Variants in GOT1 observed in about 807,000 individuals in gnomAD.
GOT1 encodes glutamic-oxaloacetic transaminase 1, also known as aspartate aminotransferase, cytoplasmic.
Under a neutral mutation model 48.2 loss-of-function variants are expected in GOT1, and 25 were observed. That is an observed-to-expected ratio of 0.52 (90% CI 0.38 to 0.72). The LOEUF (loss-of-function observed/expected upper bound fraction) is 0.72. Ranked by LOEUF, GOT1 falls within the 30% of genes least tolerant of loss-of-function variation. GOT1 has a pLI of 0.00. For synonymous variants in GOT1, 188 were observed against 193.8 expected (o/e 0.97, Z 0.25); for missense variants, 380 against 520.1 (o/e 0.73, Z 2.62).
intron 2 of GOT1, among the ~76,000 whole-genome samples, chr10:99,419,060 A>G (rs1008761011): frequency 4.6e-5 from 7 of 152,228 alleles, no homozygotes; most frequent in African/African-American, 1.7e-4. Context: ...GTACATGTAC[A>G]AATGTATGGG....
intron 2 of GOT1, among the ~76,000 whole-genome samples, chr10:99,419,907 A>G (rs1480562282): frequency 1.3e-5 from 2 of 152,112 alleles, no homozygotes; most frequent in Non-Finnish European, 2.9e-5. Context: ...CACACAGCCT[A>G]TCTCACTGTG....
chr10:99,410,136 A>G (rs2032811636), intron 2 of GOT1, among the ~76,000 whole-genome samples: 1 of 152,288 alleles, frequency 6.6e-6, no homozygotes, highest in African/African-American at 2.4e-5. Flanking sequence ...ATCCCTTGCT[A>G]TTACTTTAAA....
intron 2 of GOT1, among the ~76,000 whole-genome samples, chr10:99,418,885 T>C (rs2032932861): frequency 6.6e-6 from 1 of 152,160 alleles, no homozygotes; most frequent in East Asian, 1.9e-4. Flanking sequence ...CCCAATATGA[T>C]TAATAATCTC....
rs368072040 is a variant in GOT1 at position 99,420,625 on chromosome 10, C to T, written c.299G>A (p.Arg100Gln). ...AATACATCCTTACCCAAAACTTACCCGCTTCTCCTTGAGTGCTGGGCTGTC... is the reference window on the plus strand; with the variant it reads ...AATACATCCTTACCCAAAACTTACCTGCTTCTCCTTGAGTGCTGGGCTGTC... Reference protein sequence around the residue: ...GDDSPALKEKRVGGVQSLGGT... With the variant: ...GDDSPALKEKQVGGVQSLGGT... The change falls in exon 2 of 9, where the codon CGG becomes CAG. Residue 100 changes from arginine to glutamine, a missense_variant and splice_region_variant. Coordinates refer to ENST00000370508, the MANE Select transcript of GOT1 (RefSeq NM_002079.3). The T allele has an allele frequency of 6.2e-6, 10 of 1,605,650 alleles. No individual in the cohort carries two copies. Among genetic ancestry groups the T allele is most frequent in the African/African-American group, 2.7e-5 (2 of 74,596 alleles).
chr10:99,398,571 G>A (rs1256944058), intron 8 of GOT1, among the ~76,000 whole-genome samples: 6 of 152,046 alleles, frequency 3.9e-5, no homozygotes, highest in African/African-American at 9.7e-5. Flanking sequence ...TCAGGAGGCT[G>A]AGGCAGGAGA....
At position 99,406,267 on chromosome 10, in the gene GOT1, A is replaced by T; in HGVS notation, c.425-18T>A. 5.1e-6 allele frequency: 8 copies of T among 1,567,500 alleles called. No homozygotes were observed. Among genetic ancestry groups the T allele is most frequent in the Non-Finnish European group, 7.0e-6 (8 of 1,137,518 alleles). ...GTGATTCTCTGCATGCAAAGAAGTA[A>T]AAAGTTAAGCACTTTACAAACACTA... is the stretch of plus-strand genomic sequence containing the variant. On this transcript the variant is annotated intron_variant, in intron 3 of 8. Transcript: ENST00000370508.
intron 1 of GOT1, among the ~76,000 whole-genome samples, chr10:99,425,531 G>A (rs1431017007): frequency 1.3e-5 from 2 of 152,192 alleles, no homozygotes; most frequent in African/African-American, 4.8e-5. Flanking sequence ...TATTCCAGAA[G>A]CGAAATAATG....
intron 2 of GOT1, among the ~76,000 whole-genome samples, chr10:99,409,890 C>T (rs1464627261): frequency 6.6e-6 from 1 of 152,192 alleles, no homozygotes; most frequent in Admixed American, 6.5e-5. Flanking sequence ...TACCAATTAT[C>T]GGCACTATTA....
chr10:99,421,133 C>T (rs1357948398), intron 1 of GOT1, among the ~76,000 whole-genome samples: 1 of 152,176 alleles, frequency 6.6e-6, no homozygotes, highest in African/African-American at 2.4e-5. Context: ...AAGCACTCTG[C>T]AAAGTAAAAA....
intron 1 of GOT1, among the ~76,000 whole-genome samples, chr10:99,424,465 T>G (rs2033012154): frequency 6.6e-6 from 1 of 152,170 alleles, no homozygotes; most frequent in Non-Finnish European, 1.5e-5. Context: ...GCAAAAAAAT[T>G]TGGGATGTTT....
chr10:99,408,789 G>T lies in GOT1; in HGVS notation c.301-1940C>A, dbSNP rs373411104. On this transcript the variant is annotated intron_variant, in intron 2 of 8. Coordinates refer to ENST00000370508, the MANE Select transcript of GOT1 (RefSeq NM_002079.3). ...CTAACAGTGGCAACCTCTGGGGAGG[G>T]GTCCAAGGATGTAGGAATAGTGGTT... Among the ~76,000 whole-genome samples, 22 of 152,234 alleles carry T rather than the reference G, an allele frequency of 1.4e-4. No individual in the cohort carries two copies. The East Asian group carries it at 2.5e-3, about 17-fold the overall frequency.
intron 1 of GOT1, 79 bp from the exon 2 acceptor site, chr10:99,420,884 G>T: frequency 8.8e-7 from 1 of 1,133,874 alleles, no homozygotes; most frequent in Non-Finnish European, 1.3e-6. Flanking sequence ...TGAACCAGGA[G>T]AATCCCACCA....
intron 7 of GOT1, 52 bp from the exon 8 acceptor site, chr10:99,402,774 C>T (rs777390111): frequency 2.2e-4 from 323 of 1,494,220 alleles, no homozygotes; most frequent in Non-Finnish European, 2.9e-4. Flanking sequence ...AAGATGGTAC[C>T]CGAAAACACA....
intron 2 of GOT1, among the ~76,000 whole-genome samples, chr10:99,411,552 T>C (rs2032828226): frequency 6.6e-6 from 1 of 152,264 alleles, no homozygotes; most frequent in African/African-American, 2.4e-5. Flanking sequence ...TAGTTAAAAC[T>C]GTATCCACTC....
chr10:99,412,418 T>C, intron 2 of GOT1, among the ~76,000 whole-genome samples: 1 of 151,684 alleles, frequency 6.6e-6, no homozygotes, highest in Non-Finnish European at 1.5e-5. Flanking sequence ...ATGCAGAATG[T>C]ACTAAAACAG....
At chr10:99,427,849 G>A (rs1484339413) in intron 1 of GOT1, among the ~76,000 whole-genome samples, 1 of 152,188 alleles carries the variant, frequency 6.6e-6, no homozygotes, top group Non-Finnish European at 1.5e-5. Flanking sequence ...GGGGCAAATT[G>A]CTTCACCTCT....
chr10:99,403,097 T>C (rs528247436), intron 7 of GOT1, among the ~76,000 whole-genome samples: 2 of 151,368 alleles, frequency 1.3e-5, no homozygotes, highest in South Asian at 4.1e-4. Flanking sequence ...TAAAATAAGA[T>C]AAAGTGTATG....
chr10:99,400,856 G>A (rs1229331568), intron 8 of GOT1, among the ~76,000 whole-genome samples: 4 of 152,060 alleles, frequency 2.6e-5, no homozygotes, highest in Admixed American at 2.6e-4. Context: ...CAGGAGAATC[G>A]CTTGAATCCA....
In GOT1 at chr10:99,402,691, T is replaced by A; in HGVS notation, c.991A>T (p.Ile331Phe). 1.2e-6 allele frequency: 2 copies of A among 1,613,982 alleles called. No individual in the cohort carries two copies. Among genetic ancestry groups the A allele is most frequent in the Non-Finnish European group, 1.7e-6 (2 of 1,179,872 alleles). ...CTGAGTTCAGATCTCATGGTCAGAA[T>A]CCGGTCAGCCATTGTCTTCACATTA... ...TGNVKTMADR[I>F]LTMRSELRAR... The change falls in exon 8 of 9, where the codon ATT (isoleucine) becomes TTT (phenylalanine). Residue 331 changes from isoleucine to phenylalanine, a missense_variant. Coordinates refer to ENST00000370508, the MANE Select transcript of GOT1 (RefSeq NM_002079.3).
Sources: gnomAD v4.1 joint callset for allele counts (sites outside exome capture counted in the v4.1 genomes callset) on GRCh38, gnomAD v4.1.1 for gene constraint, MANE v1.5 for transcripts, NCBI Gene and HGNC (gene_info 2026-07-23, HGNC 2026-07-21) for gene names.